PRORP: variants seen among roughly 807,000 people sequenced by gnomAD.
PRORP encodes protein only RNase P catalytic subunit.
Under a neutral mutation model 59.4 loss-of-function variants are expected in PRORP, and 51 were observed. The observed-to-expected ratio is 0.86, with a 90% CI of 0.69 to 1.08. The LOEUF is 1.08. Among genes scored for constraint, PRORP ranks in the 50% least tolerant of loss-of-function variants. The pLI is 0.00. For synonymous variants in PRORP, 231 were observed against 245.6 expected (o/e 0.94, Z 0.55); for missense variants, 646 against 690.3 (o/e 0.94, Z 0.72).
Position 35,216,257 on chromosome 14 carries a change from G to A in PRORP, c.1275+35480G>A, listed in dbSNP as rs115336511. On this transcript the variant is annotated intron_variant, in intron 5 of 7. Transcript: ENST00000534898. ...AAAATTGAGAAAATATATAAATTATGTGTGCGTGTGTGTCATTTTATTTGT... is the reference window on the plus strand; with the variant it reads ...AAAATTGAGAAAATATATAAATTATATGTGCGTGTGTGTCATTTTATTTGT... 9.5e-3 allele frequency among the ~76,000 whole-genome samples: 1,409 copies of A among 147,842 alleles called. 22 individuals are homozygous for A. Among genetic ancestry groups the A allele is most frequent in the African/African-American group, 0.032 (1,316 of 40,630 alleles).
At chr14:35,152,632 G>A (rs2047794138) in intron 4 of PRORP, among the ~76,000 whole-genome samples, 2 of 152,004 alleles carry the variant, frequency 1.3e-5, no homozygotes, top group South Asian at 4.1e-4. Flanking sequence ...CTCCCTCCCA[G>A]ACAGGGCGGC....
chr14:35,159,993 G>T (rs2048017408), intron 4 of PRORP, among the ~76,000 whole-genome samples: 1 of 152,236 alleles, frequency 6.6e-6, no homozygotes, highest in African/African-American at 2.4e-5. Flanking sequence ...GATTCGTAGT[G>T]ATTCCTAGCA....
rs2048332703 is a variant in PRORP, at chr14:35,172,413, T to TTCCTTCCTTCCTTCCTTCCTTCCTTCC, written c.1168-8256_1168-8255insCCTTCCTTCCTTCCTTCCTTCCTTCCT. On this transcript the variant is annotated intron_variant, in intron 4 of 7. Transcript: ENST00000534898. Reference sequence around the variant, plus strand: ...TCTACACTTTGGATTGGTTTCTTTCTTTCCTTCCTTCCTTCCTTCCTTCCT... The same window carrying TTCCTTCCTTCCTTCCTTCCTTCCTTCC: ...TCTACACTTTGGATTGGTTTCTTTCTTCCTTCCTTCCTTCCTTCCTTCCTTCCTTCCTTCCTTCCTTCCTTCCTTCCT... Among the ~76,000 whole-genome samples, 56 of 77,574 alleles carry TTCCTTCCTTCCTTCCTTCCTTCCTTCC rather than the reference T, an allele frequency of 7.2e-4. 1 individual carries two copies. The highest frequency in any genetic ancestry group is 2.5e-3 in the African/African-American group (53 of 21,066). 50.9% of individuals were successfully genotyped at this position (77,574 alleles called of 152,430 possible).
chr14:35,166,520 G>T (rs2048189084), intron 4 of PRORP, among the ~76,000 whole-genome samples: 1 of 148,422 alleles, frequency 6.7e-6, no homozygotes, highest in Non-Finnish European at 1.5e-5. Context: ...TGTAATCTAG[G>T]CTCACTGCAA....
chr14:35,226,880 A>G (rs1337793491), intron 5 of PRORP, among the ~76,000 whole-genome samples: 3 of 151,892 alleles, frequency 2.0e-5, no homozygotes, highest in Non-Finnish European at 4.4e-5. Flanking sequence ...GCCTAGAGAC[A>G]TGCACTAACA....
At chr14:35,172,581 C>T (rs573015053) in intron 4 of PRORP, among the ~76,000 whole-genome samples, 4 of 148,870 alleles carry the variant, frequency 2.7e-5, no homozygotes, top group Admixed American at 1.4e-4. Context: ...CTGAGAGTCT[C>T]GTTCTGTCAC....
At chr14:35,122,060 A>T, upstream of PRORP, 1 of 1,298,004 alleles carries the variant, frequency 7.7e-7, no homozygotes, top group East Asian at 2.4e-5. Flanking sequence ...AAGGTTAGGA[A>T]GGCCGTCCAA....
At chr14:35,200,851 G>A (rs1388845611) in intron 5 of PRORP, among the ~76,000 whole-genome samples, 1 of 152,032 alleles carries the variant, frequency 6.6e-6, no homozygotes. Flanking sequence ...TTGATATATT[G>A]CTATTAACTA....
intron 5 of PRORP, among the ~76,000 whole-genome samples, chr14:35,228,026 C>T (rs540722246): frequency 6.6e-6 from 1 of 152,236 alleles, no homozygotes; most frequent in East Asian, 1.9e-4. Flanking sequence ...GCCTGTAGTC[C>T]CAGCTACTTG....
At chr14:35,207,999 A>T (rs1290486893) in intron 5 of PRORP, among the ~76,000 whole-genome samples, 1 of 152,144 alleles carries the variant, frequency 6.6e-6, no homozygotes, top group East Asian at 1.9e-4. Flanking sequence ...AAAATACAAA[A>T]ATTAGCTGGG....
intron 4 of PRORP, among the ~76,000 whole-genome samples, chr14:35,131,532 GTT>G (rs34299957): frequency 5.1e-4 from 66 of 130,486 alleles, no homozygotes; most frequent in African/African-American, 1.0e-3. Flanking sequence ...TTGCTTTTTG[GTT>G]TTTTTTTTTT....
chr14:35,212,014 A>G (rs539506978), intron 5 of PRORP, among the ~76,000 whole-genome samples: 51 of 152,318 alleles, frequency 3.3e-4, no homozygotes, highest in African/African-American at 1.1e-3. Flanking sequence ...TATCATTTCA[A>G]CAACGTTCAC....
At chr14:35,225,539 GT>G (rs928971968) in intron 5 of PRORP, among the ~76,000 whole-genome samples, 53 of 151,998 alleles carry the variant, frequency 3.5e-4, no homozygotes, top group African/African-American at 1.2e-3. Context: ...TAGAGATGGG[GT>G]TTCACCATGG....
At chr14:35,247,294 G>A (rs1309726150) in intron 5 of PRORP, among the ~76,000 whole-genome samples, 3 of 152,060 alleles carry the variant, frequency 2.0e-5, no homozygotes, top group South Asian at 4.1e-4. Context: ...TGTCTAAGGT[G>A]TCTCTCCCTC....
intron 5 of PRORP, among the ~76,000 whole-genome samples, chr14:35,186,878 A>C (rs780775692): frequency 2.0e-5 from 3 of 152,160 alleles, no homozygotes; most frequent in Non-Finnish European, 4.4e-5. Flanking sequence ...GGACTGAGCC[A>C]CCATGTCTGG....
chr14:35,261,967 G>T (rs1471253147), intron 5 of PRORP, among the ~76,000 whole-genome samples: 1 of 152,076 alleles, frequency 6.6e-6, no homozygotes, highest in Non-Finnish European at 1.5e-5. Flanking sequence ...ACAAGATGGT[G>T]CCCCAGAATA....
At chr14:35,195,064 G>A (rs1292478263) in intron 5 of PRORP, among the ~76,000 whole-genome samples, 1 of 151,972 alleles carries the variant, frequency 6.6e-6, no homozygotes, top group African/African-American at 2.4e-5. Flanking sequence ...TGTGGTATTA[G>A]CATATGCAGT....
In PRORP at chr14:35,123,323, C is replaced by G; in HGVS notation, c.78C>G (p.His26Gln). 1 of 1,614,006 alleles carries G rather than the reference C, an allele frequency of 6.2e-7. No homozygotes were observed. The highest frequency in any genetic ancestry group is 1.3e-5 in the African/African-American group (1 of 75,048). Residue 26 changes from histidine to glutamine, a missense_variant, in exon 2 of 8, where the codon CAC becomes CAG. Coordinates refer to ENST00000534898, the MANE Select transcript of PRORP (RefSeq NM_014672.4). ...CATACCTTGGGCTAGGCCCAGGGCA[C>G]TCTTATGTCTCGCTGTTTCTGGCAG... Reference protein sequence around the residue: ...KSPYLGLGPGHSYVSLFLADR... With the variant: ...KSPYLGLGPGQSYVSLFLADR...
At chr14:35,140,746 A>G (rs968770822) in intron 4 of PRORP, among the ~76,000 whole-genome samples, 2 of 145,798 alleles carry the variant, frequency 1.4e-5, no homozygotes, top group African/African-American at 4.9e-5. Flanking sequence ...GCTAGAATCA[A>G]GGACAATTGC....
Sources: gnomAD v4.1 joint callset for allele counts (sites outside exome capture counted in the v4.1 genomes callset) on GRCh38, gnomAD v4.1.1 for gene constraint, MANE v1.5 for transcripts, NCBI Gene and HGNC (gene_info 2026-07-23, HGNC 2026-07-21) for gene names.